DPP10: variants seen among roughly 807,000 people sequenced by gnomAD.
DPP10 encodes the protein inactive dipeptidyl peptidase 10.
In DPP10, 33 loss-of-function variants were observed where a neutral mutation model predicts 120.9. The ratio of observed to expected loss-of-function variants is 0.27; its 90% CI spans 0.21 to 0.37. DPP10 has a LOEUF of 0.37. DPP10 is among the 10% of genes least tolerant of loss of function. The probability of loss-of-function intolerance (pLI) is 1.00; values close to 1 mark genes in which losing one functional copy is unlikely to be tolerated. For missense variants in DPP10, 816 were observed against 942.8 expected (o/e 0.87, Z 1.76); for synonymous variants, 337 against 326.1 (o/e 1.03, Z -0.36).
At chr2:114,636,134 C>T (rs1459103907) in intron 1 of DPP10, among the ~76,000 whole-genome samples, 6 of 151,892 alleles carry the variant, frequency 4.0e-5, no homozygotes, top group Admixed American at 3.9e-4. Flanking sequence ...CAATAAAAAT[C>T]ATGTTAATGT....
intron 1 of DPP10, among the ~76,000 whole-genome samples, chr2:115,042,643 C>G (rs1704746310): frequency 6.6e-6 from 1 of 152,196 alleles, no homozygotes; most frequent in African/African-American, 2.4e-5. Flanking sequence ...ATTTTGGTCT[C>G]TCCTACTGTA....
At chr2:114,923,986 A>C (rs2106636608) in intron 1 of DPP10, among the ~76,000 whole-genome samples, 1 of 152,210 alleles carries the variant, frequency 6.6e-6, no homozygotes, top group Middle Eastern at 3.4e-3. Flanking sequence ...AGGCTCTCAA[A>C]ATGCTGGGGT....
At chr2:114,927,477 A>G (rs146865750) in intron 1 of DPP10, among the ~76,000 whole-genome samples, 94 of 152,310 alleles carry the variant, frequency 6.2e-4, no homozygotes, top group African/African-American at 2.2e-3. Context: ...ACTCAAAGCA[A>G]GCCTCCCTCC....
intron 1 of DPP10, among the ~76,000 whole-genome samples, chr2:115,213,100 T>C (rs2056620794): frequency 6.6e-6 from 1 of 152,150 alleles, no homozygotes; most frequent in African/African-American, 2.4e-5. Context: ...GAAAGGATTA[T>C]AAACTGTGAT....
chr2:114,692,006 C>A (rs1699780621), intron 1 of DPP10, among the ~76,000 whole-genome samples: 1 of 151,886 alleles, frequency 6.6e-6, no homozygotes, highest in Non-Finnish European at 1.5e-5. Flanking sequence ...AGTGGTCTAT[C>A]TATTTTGTTA....
chr2:115,311,942 G>T (rs918624510), intron 2 of DPP10, among the ~76,000 whole-genome samples: 2 of 151,870 alleles, frequency 1.3e-5, no homozygotes, highest in Admixed American at 6.6e-5. Flanking sequence ...TTGTTATAGA[G>T]ATAGGGTCTC....
chr2:115,041,149 G>A (rs961395931), intron 1 of DPP10, among the ~76,000 whole-genome samples: 4 of 149,698 alleles, frequency 2.7e-5, no homozygotes. Flanking sequence ...GTTTTCCTGA[G>A]TTCTCCCCAG....
intron 1 of DPP10, among the ~76,000 whole-genome samples, chr2:115,238,566 C>T (rs781567148): frequency 6.6e-6 from 1 of 152,088 alleles, no homozygotes; most frequent in Non-Finnish European, 1.5e-5. Context: ...AAGGAATTAG[C>T]TGCAGAGGTG....
At chr2:115,619,119 GTT>G (rs11409177) in intron 5 of DPP10, among the ~76,000 whole-genome samples, 1 of 84,484 alleles carries the variant, frequency 1.2e-5, no homozygotes, top group Non-Finnish European at 2.3e-5. Context: ...ATCATTTGTA[GTT>G]TTTTTTTTTT....
chr2:115,651,054 T>C (rs138681712), intron 5 of DPP10, among the ~76,000 whole-genome samples: 7 of 152,090 alleles, frequency 4.6e-5, no homozygotes, highest in Non-Finnish European at 1.0e-4. Flanking sequence ...ATTTACATGG[T>C]ATAACAAAGC....
chr2:115,206,289 A>G (rs1177277578), intron 1 of DPP10, among the ~76,000 whole-genome samples: 1 of 152,166 alleles, frequency 6.6e-6, no homozygotes, highest in Non-Finnish European at 1.5e-5. Context: ...ACGCCTCCAG[A>G]AACCAATTTT....
chr2:114,936,197 C>T (rs942298309), intron 1 of DPP10, among the ~76,000 whole-genome samples: 5 of 152,016 alleles, frequency 3.3e-5, no homozygotes, highest in Admixed American at 6.6e-5. Flanking sequence ...GCCTTTGCTT[C>T]CTCATAGCTT....
intron 1 of DPP10, among the ~76,000 whole-genome samples, chr2:115,067,074 C>G (rs1179391058): frequency 1.3e-5 from 2 of 152,170 alleles, no homozygotes; most frequent in Non-Finnish European, 2.9e-5. Flanking sequence ...CCCTCACTCT[C>G]AAGACACTGG....
rs552736470 is a variant in DPP10 at position 115,000,795 on chromosome 2, C to T, written c.61-308444C>T. ...CCCATATGTTGAACGTTCCTTAAGG[C>T]ACTAAAAAAATCTCTAAAATCCATA... On this transcript the variant is annotated intron_variant, in intron 1 of 25. Coordinates refer to ENST00000410059, the MANE Select transcript of DPP10 (RefSeq NM_020868.6). Among the ~76,000 whole-genome samples the T allele has an allele frequency of 6.6e-5, 10 of 152,174 alleles. No individual in the cohort carries two copies. The South Asian group carries it at 2.1e-3, about 32-fold the overall frequency.
chr2:115,210,545 G>A (rs2056442347), intron 1 of DPP10, among the ~76,000 whole-genome samples: 1 of 152,216 alleles, frequency 6.6e-6, no homozygotes, highest in East Asian at 1.9e-4. Flanking sequence ...GTAAGGGGAT[G>A]GTTGGGTCAA....
At chr2:114,518,200 C>G (rs532356952) in intron 1 of DPP10, among the ~76,000 whole-genome samples, 1 of 149,860 alleles carries the variant, frequency 6.7e-6, no homozygotes, top group East Asian at 2.0e-4. Context: ...GCCTCAACAT[C>G]CTGAATAGTT....
At chr2:115,332,309 C>T (rs949896481) in intron 2 of DPP10, among the ~76,000 whole-genome samples, 8 of 152,056 alleles carry the variant, frequency 5.3e-5, no homozygotes, top group African/African-American at 1.7e-4. Flanking sequence ...TTTTATTCTT[C>T]TCTCTTTACT....
chr2:115,703,598 G>T (rs1112923), intron 7 of DPP10, among the ~76,000 whole-genome samples: 17,987 of 151,784 alleles, frequency 0.12, 1,301 homozygotes, highest in Non-Finnish European at 0.16. Flanking sequence ...ATTCATTTTT[G>T]GGGGGAAACT....
At chr2:114,555,239 A>C (rs1344139421) in intron 1 of DPP10, among the ~76,000 whole-genome samples, 1 of 152,248 alleles carries the variant, frequency 6.6e-6, no homozygotes, top group African/African-American at 2.4e-5. Context: ...TGGACATGTC[A>C]ACTCTCCTTG....
Sources: allele counts gnomAD v4.1 joint callset (sites outside exome capture counted in the v4.1 genomes callset), GRCh38; gene constraint gnomAD v4.1.1; transcripts MANE v1.5; gene names NCBI Gene and HGNC (gene_info 2026-07-23, HGNC 2026-07-21).